GSE1: variants seen among roughly 807,000 people sequenced by gnomAD.
The protein encoded by GSE1 is genetic suppressor element 1.
Under a neutral mutation model 112.6 loss-of-function variants are expected in GSE1, and 32 were observed. The observed-to-expected ratio is 0.28, with a 90% confidence interval of 0.21 to 0.38. The LOEUF is 0.38. Ranked by LOEUF, GSE1 falls within the 10% of genes least tolerant of loss-of-function variation. The pLI is 1.00. For missense variants in GSE1, 2,348 were observed against 1,699.2 expected (o/e 1.38, Z -6.71); for synonymous variants, 1,115 against 735.6 (o/e 1.52, Z -8.35).
intron 2 of GSE1, among the ~76,000 whole-genome samples, chr16:85,529,531 T>C (rs1252715915): frequency 1.3e-5 from 2 of 152,224 alleles, no homozygotes; most frequent in African/African-American, 4.8e-5. Flanking sequence ...TTGGCACCTG[T>C]TGGGGGCAGC....
At chr16:85,571,698 G>C (rs1033041158) in intron 1 of GSE1, among the ~76,000 whole-genome samples, 7 of 152,232 alleles carry the variant, frequency 4.6e-5, no homozygotes, top group African/African-American at 1.7e-4. Flanking sequence ...GGACTGAGGG[G>C]GAGAAACAGG....
At chr16:85,318,947 C>A (rs150427236) in intron 1 of GSE1, among the ~76,000 whole-genome samples, 1 of 152,318 alleles carries the variant, frequency 6.6e-6, no homozygotes, top group East Asian at 1.9e-4. Context: ...AAGGCGGAGT[C>A]CTGAAGAAGC....
intron 2 of GSE1, among the ~76,000 whole-genome samples, chr16:85,395,709 C>T (rs1010756635): frequency 6.6e-6 from 1 of 152,204 alleles, no homozygotes; most frequent in Non-Finnish European, 1.5e-5. Flanking sequence ...TCACGTCCGC[C>T]CTCCCCTGCC....
At chr16:85,460,948 A>C (rs1042005884) in intron 2 of GSE1, among the ~76,000 whole-genome samples, 1 of 152,200 alleles carries the variant, frequency 6.6e-6, no homozygotes, top group Non-Finnish European at 1.5e-5. Context: ...AGAAGTTAAG[A>C]GATTTCAGCT....
chr16:85,229,121 T>C (rs1285681738), intron 1 of GSE1, among the ~76,000 whole-genome samples: 1 of 152,152 alleles, frequency 6.6e-6, no homozygotes, highest in Non-Finnish European at 1.5e-5. Flanking sequence ...GGCGGCATCG[T>C]GGGAGCAGGG....
chr16:85,351,133 C>T (rs933103796), intron 1 of GSE1, among the ~76,000 whole-genome samples: 1 of 152,250 alleles, frequency 6.6e-6, no homozygotes, highest in Middle Eastern at 3.4e-3. Flanking sequence ...TAGCCAAGAC[C>T]TGGGGCACCA....
At chr16:85,469,184 A>T (rs1333935736) in intron 2 of GSE1, among the ~76,000 whole-genome samples, 1 of 152,120 alleles carries the variant, frequency 6.6e-6, no homozygotes, top group South Asian at 2.1e-4. Context: ...TGAACCTGGG[A>T]TGTGGAGGTT....
intron 2 of GSE1, among the ~76,000 whole-genome samples, chr16:85,509,005 G>C (rs976763489): frequency 2.6e-5 from 4 of 152,202 alleles, no homozygotes; most frequent in Non-Finnish European, 4.4e-5. Context: ...GGTAGGGCTG[G>C]GCAAAGGTGG....
intron 1 of GSE1, among the ~76,000 whole-genome samples, chr16:85,298,670 A>G (rs1257057658): frequency 2.0e-5 from 3 of 152,134 alleles, no homozygotes; most frequent in Non-Finnish European, 4.4e-5. Context: ...CAAGTGATCC[A>G]CCTGCCTTGG....
intron 7 of GSE1, among the ~76,000 whole-genome samples, chr16:85,656,893 G>A (rs377224731): frequency 6.6e-6 from 1 of 152,244 alleles, no homozygotes; most frequent in African/African-American, 2.4e-5. Flanking sequence ...AATGTAGCCG[G>A]GGCATTAGGA....
chr16:85,182,959 C>T (rs771766512), intron 1 of GSE1, among the ~76,000 whole-genome samples: 19 of 152,178 alleles, frequency 1.2e-4, no homozygotes, highest in South Asian at 4.1e-4. Flanking sequence ...TATGCGTACA[C>T]GTTCACATGC....
At chr16:85,370,511 A>G (rs2047272544) in intron 2 of GSE1, among the ~76,000 whole-genome samples, 1 of 152,134 alleles carries the variant, frequency 6.6e-6, no homozygotes, top group Non-Finnish European at 1.5e-5. Flanking sequence ...CCCAGACCCT[A>G]GGAGGGCAAA....
chr16:85,237,852 A>G (rs1458534863), intron 1 of GSE1, among the ~76,000 whole-genome samples: 5 of 145,214 alleles, frequency 3.4e-5, no homozygotes, highest in South Asian at 2.2e-4. Context: ...AAAAAAAAAG[A>G]AAAAAAAAAA....
chr16:85,635,351 C>T (rs772949060), intron 2 of GSE1, among the ~76,000 whole-genome samples: 17 of 152,158 alleles, frequency 1.1e-4, no homozygotes, highest in Admixed American at 6.5e-4. Context: ...CAGGCAGGAC[C>T]GCCAGAAAAC....
At chr16:85,185,928 C>T (rs747051407) in intron 1 of GSE1, among the ~76,000 whole-genome samples, 2 of 152,202 alleles carry the variant, frequency 1.3e-5, no homozygotes, top group African/African-American at 2.4e-5. Context: ...GCATCTCTGC[C>T]GAGGGCGCGG....
chr16:85,225,616 C>T (rs940444286), intron 1 of GSE1, among the ~76,000 whole-genome samples: 1 of 152,170 alleles, frequency 6.6e-6, no homozygotes, highest in Non-Finnish European at 1.5e-5. Flanking sequence ...TTAGGGAATG[C>T]GTGGAGCCCC....
At chr16:85,180,943 G>A (rs572512343) in intron 1 of GSE1, among the ~76,000 whole-genome samples, 1 of 152,358 alleles carries the variant, frequency 6.6e-6, no homozygotes, top group East Asian at 1.9e-4. Flanking sequence ...GTGTGCCAGG[G>A]TGCTGCCTGC....
intron 12 of GSE1, among the ~76,000 whole-genome samples, 198 bp from the exon 13 acceptor site, chr16:85,665,778 G>T (rs1372527531): frequency 6.6e-6 from 1 of 152,174 alleles, no homozygotes; most frequent in Non-Finnish European, 1.5e-5. Context: ...ATCTTTCAAG[G>T]ATGGACTTGC....
Position 85,661,698 on chromosome 16 carries a change from G to T in GSE1, c.2193G>T (p.Gln731His), listed in dbSNP as rs773548692. ...DPAYIYDEFL[Q>H]QRRRLVSKLD... ...CCTACATCTATGATGAGTTCCTGCA[G>T]CAGCGCCGGAGGCTGGTCAGCAAGC... The change falls in exon 9 of 16, where the codon CAG (glutamine) becomes CAT (histidine). Residue 731 changes from glutamine to histidine, a missense_variant. Physicochemically the swap from Gln to His is conservative, Grantham distance 24 (BLOSUM62 0). Transcript: ENST00000253458. 6.2e-7 allele frequency: 1 copy of T among 1,605,036 alleles called. No homozygotes were observed. Among genetic ancestry groups the T allele is most frequent in the Non-Finnish European group, 8.5e-7 (1 of 1,176,078 alleles).
Sources: allele counts gnomAD v4.1 joint callset (sites outside exome capture counted in the v4.1 genomes callset), GRCh38; gene constraint gnomAD v4.1.1; transcripts MANE v1.5; gene names NCBI Gene and HGNC (gene_info 2026-07-23, HGNC 2026-07-21).